PCDH15: variants seen among roughly 807,000 people sequenced by gnomAD.
PCDH15 encodes the protein protocadherin-15.
In PCDH15, 129 loss-of-function variants were observed where a neutral mutation model predicts 178.5. The observed-to-expected ratio is 0.72, with a 90% CI of 0.63 to 0.84. The LOEUF is 0.84. Ranked by LOEUF, PCDH15 falls within the 40% of genes least tolerant of loss-of-function variation. The probability of loss-of-function intolerance (pLI) is 0.00; values close to 1 mark genes in which losing one functional copy is unlikely to be tolerated. For synonymous variants in PCDH15, 800 were observed against 732.0 expected (o/e 1.09, Z -1.50); for missense variants, 2,230 against 2,099.9 (o/e 1.06, Z -1.21).
rs116233970 is a variant in PCDH15, at chr10:53,960,880, C to A, written c.3009+872G>T. 2.2e-3 allele frequency among the ~76,000 whole-genome samples: 336 copies of A among 152,236 alleles called. 2 individuals are homozygous for A. Among genetic ancestry groups the A allele is most frequent in the African/African-American group, 7.6e-3 (314 of 41,538 alleles). ...TTTATTCACAGTGACAAAAATTATT[C>A]TAAGTAACTATTAAAAATGGAAATG... On this transcript the variant is annotated intron_variant, in intron 22 of 37. Transcript: ENST00000644397.
At chr10:55,478,909 G>C (rs1040024483) in intron 2 of PCDH15, among the ~76,000 whole-genome samples, 1 of 145,540 alleles carries the variant, frequency 6.9e-6, no homozygotes, top group African/African-American at 2.5e-5. Flanking sequence ...TTAGACACAT[G>C]TAATCTACCA....
intron 3 of PCDH15, among the ~76,000 whole-genome samples, chr10:54,450,663 A>G (rs1284039742): frequency 1.3e-5 from 2 of 151,836 alleles, no homozygotes; most frequent in Non-Finnish European, 2.9e-5. Context: ...AACTTTACTC[A>G]GTTATATAGC....
chr10:55,158,880 G>T (rs1345364705), intron 2 of PCDH15, among the ~76,000 whole-genome samples: 2 of 55,312 alleles, frequency 3.6e-5, no homozygotes, highest in Non-Finnish European at 1.4e-4. Context: ...AGAGAGGGAG[G>T]GAGAAGAGAG....
intron 3 of PCDH15, among the ~76,000 whole-genome samples, chr10:54,394,878 A>G (rs987377890): frequency 6.6e-6 from 1 of 152,146 alleles, no homozygotes; most frequent in African/African-American, 2.4e-5. Context: ...AAAAGAATTC[A>G]GTGATATTTC....
chr10:54,623,396 C>A (rs1474751489), intron 2 of PCDH15, among the ~76,000 whole-genome samples: 2 of 151,888 alleles, frequency 1.3e-5, no homozygotes, highest in East Asian at 3.9e-4. Flanking sequence ...AATGAAAAGA[C>A]TTTTTTTTAA....
At chr10:55,571,596 T>A (rs1465021766) in intron 2 of PCDH15, among the ~76,000 whole-genome samples, 1 of 152,042 alleles carries the variant, frequency 6.6e-6, no homozygotes, top group Non-Finnish European at 1.5e-5. Context: ...CTAGAACAAA[T>A]CTCTTCAAAT....
At chr10:54,853,320 C>CACACAT (rs1443214469) in intron 3 of PCDH15, among the ~76,000 whole-genome samples, 3 of 76,080 alleles carry the variant, frequency 3.9e-5, no homozygotes, top group Admixed American at 2.7e-4. Context: ...TATATATATA[C>CACACAT]ATACACACAC....
intron 2 of PCDH15, among the ~76,000 whole-genome samples, chr10:55,515,157 T>A (rs2132156567): frequency 6.6e-6 from 1 of 151,668 alleles, no homozygotes; most frequent in East Asian, 2.0e-4. Flanking sequence ...CCAGGCTAAT[T>A]TTTGTGTTTT....
chr10:55,126,151 T>C (rs954042473), intron 2 of PCDH15, among the ~76,000 whole-genome samples: 7 of 152,042 alleles, frequency 4.6e-5, no homozygotes, highest in Non-Finnish European at 4.4e-5. Flanking sequence ...TCATGCTGGT[T>C]CCATGTATCT....
intron 2 of PCDH15, among the ~76,000 whole-genome samples, chr10:55,055,746 T>C (rs1415385919): frequency 6.6e-6 from 1 of 152,026 alleles, no homozygotes; most frequent in Non-Finnish European, 1.5e-5. Context: ...GAGGTGGAAG[T>C]TGCAGTGAGT....
At chr10:55,122,297 G>T (rs1490234183) in intron 2 of PCDH15, among the ~76,000 whole-genome samples, 2 of 152,148 alleles carry the variant, frequency 1.3e-5, no homozygotes, top group African/African-American at 4.8e-5. Context: ...GAAGTATGTT[G>T]TGAAAGATAA....
intron 1 of PCDH15, among the ~76,000 whole-genome samples, chr10:54,747,615 G>A (rs1037903553): frequency 1.3e-5 from 2 of 152,020 alleles, no homozygotes; most frequent in Non-Finnish European, 2.9e-5. Flanking sequence ...AACAACTCAA[G>A]ATCCAATGGG....
chr10:55,622,175 A>T (rs1168388225), intron 2 of PCDH15, among the ~76,000 whole-genome samples: 3 of 121,072 alleles, frequency 2.5e-5, no homozygotes, highest in Non-Finnish European at 3.4e-5. Context: ...TATATATATT[A>T]TATATATATA....
At chr10:54,009,854 G>A (rs930771870) in intron 20 of PCDH15, among the ~76,000 whole-genome samples, 1 of 152,158 alleles carries the variant, frequency 6.6e-6, no homozygotes, top group Non-Finnish European at 1.5e-5. Flanking sequence ...GAACCATGTG[G>A]AGTCTTGGCA....
At chr10:55,580,029 G>T (rs978414579) in intron 2 of PCDH15, among the ~76,000 whole-genome samples, 1 of 151,916 alleles carries the variant, frequency 6.6e-6, no homozygotes, top group African/African-American at 2.4e-5. Context: ...GCTAACTTTT[G>T]TATTTTTAGT....
intron 2 of PCDH15, among the ~76,000 whole-genome samples, chr10:55,456,423 CATTT>C (rs1839555653): frequency 6.6e-6 from 1 of 151,936 alleles, no homozygotes. Context: ...ACATTATGAT[CATTT>C]ATTTCCTTCA....
chr10:54,282,404 A>G (rs954721971), intron 8 of PCDH15, among the ~76,000 whole-genome samples: 1 of 152,130 alleles, frequency 6.6e-6, no homozygotes, highest in Non-Finnish European at 1.5e-5. Context: ...TTAGGACTTT[A>G]CAACAGGTTC....
chr10:54,304,747 A>T (rs975933419), intron 8 of PCDH15, among the ~76,000 whole-genome samples: 9 of 152,090 alleles, frequency 5.9e-5, no homozygotes, highest in African/African-American at 2.2e-4. Context: ...AGAAACAGGG[A>T]CAGGAGATGA....
intron 25 of PCDH15, among the ~76,000 whole-genome samples, chr10:53,904,123 C>T (rs758047114): frequency 6.6e-6 from 1 of 152,004 alleles, no homozygotes; most frequent in African/African-American, 2.4e-5. Context: ...CCAATAATGA[C>T]CTTTTAAAAA....
Sources: gnomAD v4.1 joint callset for allele counts (sites outside exome capture counted in the v4.1 genomes callset) on GRCh38, gnomAD v4.1.1 for gene constraint, MANE v1.5 for transcripts, NCBI Gene and HGNC (gene_info 2026-07-23, HGNC 2026-07-21) for gene names.